The following SLC25A33 variants were observed in gnomAD, a reference collection of about 807,000 sequenced individuals.
SLC25A33 encodes bone marrow stromal cell mitochondrial carrier protein.
Under a neutral mutation model 35.5 loss-of-function variants are expected in SLC25A33, and 15 were observed. That is an observed-to-expected ratio of 0.42 (90% CI 0.28 to 0.65). The LOEUF (loss-of-function observed/expected upper bound fraction) is 0.65. SLC25A33 is among the 30% of genes least tolerant of loss of function. The pLI is 0.20. For missense variants in SLC25A33, 257 were observed against 398.5 expected, an observed-to-expected ratio of 0.64 and a Z score of 3.02; for synonymous variants, 136 against 148.7, an observed-to-expected ratio of 0.91 and a Z score of 0.62.
In SLC25A33 at chr1:9,553,680, A is replaced by C; in HGVS notation, c.111A>C (p.Thr37=). ...CTTGTCCACTAGAAGTCATTAAGAC[A>C]CGGTTGCAGTCTTCAAGATTAGCTC... is the stretch of plus-strand genomic sequence containing the variant. ...IFTCPLEVIK[T]RLQSSRLALR... is the part of the protein sequence containing the mutation. The change falls in exon 2 of 7, where the codon ACA becomes ACC. Residue 37 remains threonine, a synonymous_variant. Transcript: ENST00000302692. 1 of 1,614,156 alleles carries C rather than the reference A, an allele frequency of 6.2e-7. No homozygotes were observed. The highest frequency in any genetic ancestry group is 8.5e-7 in the Non-Finnish European group (1 of 1,180,046).
At chr1:9,581,327 TATAAG>T (rs776845767) in intron 6 of SLC25A33, among the ~76,000 whole-genome samples, 1 of 152,080 alleles carries the variant, frequency 6.6e-6, no homozygotes, top group Non-Finnish European at 1.5e-5. Flanking sequence ...AACTGAAAAA[TATAAG>T]AAAAGAATTC....
intron 2 of SLC25A33, among the ~76,000 whole-genome samples, chr1:9,554,062 A>G (rs1321084288): frequency 6.6e-6 from 1 of 152,218 alleles, no homozygotes; most frequent in Non-Finnish European, 1.5e-5. Context: ...CCACGTGTAA[A>G]TTGTTGCATC....
chr1:9,553,512 C>T (rs76482872), intron 1 of SLC25A33, 114 bp from the exon 2 acceptor site: 13 of 1,172,614 alleles, frequency 1.1e-5, no homozygotes, highest in Non-Finnish European at 1.5e-5. Flanking sequence ...GGATTACAGG[C>T]GTGAGCCACC....
Position 9,579,970 on chromosome 1 carries a change from C to A in SLC25A33, c.499C>A (p.Gln167Lys), listed in dbSNP as rs775113304. 8.1e-6 allele frequency: 13 copies of A among 1,613,516 alleles called. No individual in the cohort carries two copies. The highest frequency in any genetic ancestry group is 1.1e-5 in the Non-Finnish European group (13 of 1,179,712). Residue 167 changes from glutamine to lysine, a missense_variant, in exon 6 of 7, where the codon CAG (glutamine) becomes AAG (lysine). By Grantham distance (53) the Gln-to-Lys change is moderately conservative. Transcript: ENST00000302692. ...TTTATGCAGAGTGAGGGGCTCTAAG[C>A]AGATGAATACACTCCAGTGTGCTCG... is the stretch of plus-strand genomic sequence containing the variant. ...QLEQKVRGSKQMNTLQCARYV... is the reference protein window; with the variant it reads ...QLEQKVRGSKKMNTLQCARYV...
chr1:9,560,877 T>TA (rs147879709), intron 2 of SLC25A33, among the ~76,000 whole-genome samples: 2 of 150,872 alleles, frequency 1.3e-5, no homozygotes, highest in East Asian at 1.9e-4. Flanking sequence ...TATTTGCTTT[T>TA]AAAAAAAATA....
At chr1:9,564,708 G>T (rs1643473589) in intron 2 of SLC25A33, among the ~76,000 whole-genome samples, 1 of 131,792 alleles carries the variant, frequency 7.6e-6, no homozygotes, top group Non-Finnish European at 1.6e-5. Flanking sequence ...CCAACATGGT[G>T]ACACCTCGTC....
chr1:9,579,819 C>A, intron 5 of SLC25A33, 135 bp from the exon 6 acceptor site: 2 of 1,043,078 alleles, frequency 1.9e-6, no homozygotes, highest in Non-Finnish European at 1.4e-6. Context: ...AAGACAAGGG[C>A]TATGAGAGTT....
intron 4 of SLC25A33, among the ~76,000 whole-genome samples, chr1:9,572,243 A>G (rs1643599945): frequency 1.3e-5 from 2 of 152,216 alleles, no homozygotes; most frequent in South Asian, 4.1e-4. Context: ...GCTAACAACT[A>G]TTAATCTGTT....
chr1:9,544,155 GAC>G (rs566964598), intron 1 of SLC25A33, among the ~76,000 whole-genome samples: 31 of 151,598 alleles, frequency 2.0e-4, no homozygotes, highest in Non-Finnish European at 3.7e-4. Flanking sequence ...ACTATAATAA[GAC>G]ACAGATATTT....
At position 9,582,447 on chromosome 1, in the gene SLC25A33, T is replaced by C. The variant is rs777224947; in HGVS notation, c.912T>C (p.Ile304=). 16 of 1,613,828 alleles carry C rather than the reference T, an allele frequency of 9.9e-6. No individual in the cohort carries two copies. The Admixed American group carries it at 2.2e-4, about 22-fold the overall frequency. ...TCCGGCAGATCCCAAATACTGCCAT[T>C]GTGTTGTCTACTTATGAGTTAATTG... The part of the protein sequence containing the change: ...QLIRQIPNTA[I]VLSTYELIVY... The change falls in exon 7 of 7, where the codon ATT becomes ATC. Residue 304 remains isoleucine, a synonymous_variant. Coordinates refer to ENST00000302692, the MANE Select transcript of SLC25A33 (RefSeq NM_032315.3). The surrounding 1 kb of genome is among the most constrained non-coding windows in gnomAD (Gnocchi z 4.0).
intron 2 of SLC25A33, among the ~76,000 whole-genome samples, chr1:9,566,589 G>A (rs1643509116): frequency 1.3e-5 from 2 of 152,232 alleles, no homozygotes; most frequent in Admixed American, 1.3e-4. Context: ...GCTCATGCCT[G>A]TAATCCCAGC....
At chr1:9,557,221 C>T (rs1176151300) in intron 2 of SLC25A33, among the ~76,000 whole-genome samples, 1 of 152,224 alleles carries the variant, frequency 6.6e-6, no homozygotes, top group Non-Finnish European at 1.5e-5. Flanking sequence ...GCGTGAGCCA[C>T]TGTGCTCGGC....
intron 5 of SLC25A33, 45 bp from the exon 6 acceptor site, chr1:9,579,909 C>T: frequency 6.3e-7 from 1 of 1,579,128 alleles, no homozygotes; most frequent in South Asian, 1.2e-5. Flanking sequence ...TGTGTTCCAC[C>T]ATGATATGTC....
At chr1:9,541,158 C>CTT (rs1254595690) in intron 1 of SLC25A33, among the ~76,000 whole-genome samples, 5 of 133,080 alleles carry the variant, frequency 3.8e-5, no homozygotes, top group Non-Finnish European at 3.3e-5. Context: ...TTTTTTTTTT[C>CTT]TTTTTTTTTT....
intron 1 of SLC25A33, among the ~76,000 whole-genome samples, chr1:9,552,668 A>C (rs1643282399): frequency 6.6e-6 from 1 of 152,208 alleles, no homozygotes; most frequent in African/African-American, 2.4e-5. Flanking sequence ...GCAGCATGGT[A>C]GTGAAATTGG....
rs1643615118 is a variant in SLC25A33, at chr1:9,573,266, G to C, written c.416-80G>C. Reference sequence around the variant, plus strand: ...AGGCCATTGAAATCCCTATTTCAAAGTTTATTATATGATAATAGACATCTT... The same window carrying C: ...AGGCCATTGAAATCCCTATTTCAAACTTTATTATATGATAATAGACATCTT... On this transcript the variant is annotated intron_variant, in intron 4 of 6. Transcript: ENST00000302692. The C allele has an allele frequency of 4.8e-6, 5 of 1,044,402 alleles. No homozygotes were observed. The Admixed American group carries it at 1.1e-4, about 22-fold the overall frequency. The allele number at this position is 1,044,402 out of a possible 1,614,324, so 64.7% of individuals were successfully genotyped here.
intron 1 of SLC25A33, among the ~76,000 whole-genome samples, chr1:9,552,418 G>A (rs888919893): frequency 2.0e-5 from 3 of 151,870 alleles, no homozygotes; most frequent in Non-Finnish European, 4.4e-5. Flanking sequence ...TTTTAGTAGA[G>A]ATTGGGTTTC....
At chr1:9,555,305 A>T (rs1643325847) in intron 2 of SLC25A33, among the ~76,000 whole-genome samples, 1 of 151,688 alleles carries the variant, frequency 6.6e-6, no homozygotes, top group Non-Finnish European at 1.5e-5. Flanking sequence ...TTTTTAGTAG[A>T]GACGGGGTTT....
chr1:9,557,879 G>A (rs1056861860), intron 2 of SLC25A33, among the ~76,000 whole-genome samples: 1 of 152,022 alleles, frequency 6.6e-6, no homozygotes, highest in Admixed American at 6.6e-5. Context: ...CTCCAGCCTG[G>A]GCAATGGAAT....
Sources: gnomAD v4.1 joint callset for allele counts (sites outside exome capture counted in the v4.1 genomes callset) on GRCh38, gnomAD v4.1.1 for gene constraint, Gnocchi (gnomAD v3.1) non-coding constraint, MANE v1.5 for transcripts, NCBI Gene and HGNC (gene_info 2026-07-23, HGNC 2026-07-21) for gene names.